Variants in PLAA observed in about 807,000 individuals in gnomAD.
The protein encoded by PLAA is phospholipase A-2-activating protein.
In PLAA, 48 loss-of-function variants were observed where a neutral mutation model predicts 84.1. That is an observed-to-expected ratio of 0.57 (90% CI 0.45 to 0.73). The LOEUF (loss-of-function observed/expected upper bound fraction) is 0.73, where lower values mean the gene tolerates loss of function less well. Among genes scored for constraint, PLAA ranks in the 30% least tolerant of loss-of-function variants. The pLI, the probability that PLAA is intolerant of heterozygous loss-of-function variation, is 0.00. For missense variants in PLAA, 903 were observed against 954.7 expected (o/e 0.95, Z 0.71); for synonymous variants, 392 against 336.6 (o/e 1.16, Z -1.80).
chr9:26,906,107 T>C (rs756154466), intron 13 of PLAA, 31 bp from the exon 14 acceptor site: 1 of 1,339,004 alleles, frequency 7.5e-7, no homozygotes, highest in African/African-American at 1.5e-5. Flanking sequence ...TTAATGCTTA[T>C]GAAAATAAAG....
chr9:26,908,099 G>A (rs1037765280), intron 12 of PLAA, 101 bp from the exon 13 acceptor site: 3 of 775,138 alleles, frequency 3.9e-6, no homozygotes, highest in Admixed American at 2.7e-5. Context: ...TGTACACCAT[G>A]GGGAGTTAAG....
rs544243079 is a variant in PLAA, at chr9:26,913,855, G to A, written c.1555+24C>T. 112 of 1,507,302 alleles carry A rather than the reference G, an allele frequency of 7.4e-5. No individual in the cohort carries two copies. The South Asian group carries it at 1.4e-3, about 18-fold the overall frequency. 93.4% of individuals were successfully genotyped at this position (1,507,302 alleles called of 1,614,324 possible). A position where few individuals can be genotyped will look rare whatever the true frequency, so the allele number is the denominator to read the frequency against. ...ACGAATTTTTAAAATCTAAAAAAAA[G>A]AAAAAGAAATAAAAAGTATGTACCT... is the stretch of plus-strand genomic sequence containing the variant. On this transcript the variant is annotated intron_variant, in intron 11 of 13. Transcript: ENST00000397292.
At chr9:26,932,528 T>A (rs897367752) in intron 2 of PLAA, among the ~76,000 whole-genome samples, 3 of 152,196 alleles carry the variant, frequency 2.0e-5, no homozygotes, top group African/African-American at 7.2e-5. Flanking sequence ...AACTGCAGAG[T>A]TGAGCAGTTA....
Position 26,925,883 on chromosome 9 carries a change from C to G in PLAA, c.811G>C (p.Ala271Pro), listed in dbSNP as rs912421253. 2 of 1,613,834 alleles carry G rather than the reference C, an allele frequency of 1.2e-6. No individual in the cohort carries two copies. The highest frequency in any genetic ancestry group is 1.7e-6 in the Non-Finnish European group (2 of 1,179,756). Residue 271 changes from alanine to proline, a missense_variant, in exon 6 of 14, where the codon GCT becomes CCT. Physicochemically the swap from Ala to Pro is conservative, Grantham distance 27 (BLOSUM62 -1). Coordinates refer to ENST00000397292, the MANE Select transcript of PLAA (RefSeq NM_001031689.3). ...GECAQTIRLP[A>P]QSIWCCCVLD... ...ACACAGCAGCACCATATAGACTGAG[C>G]TGGAAGTCGGATAGTTTGAGCACAT...
At chr9:26,946,815 G>A in intron 1 of PLAA, 82 bp downstream of exon 1, 4 of 1,428,730 alleles carry the variant, frequency 2.8e-6, no homozygotes, top group Non-Finnish European at 3.7e-6. Context: ...GAGACGGCAG[G>A]ACTGACAGGG....
At chr9:26,915,889 T>A (rs1357544753) in intron 10 of PLAA, 4 of 985,314 alleles carry the variant, frequency 4.1e-6, no homozygotes, top group Non-Finnish European at 4.8e-6. Flanking sequence ...TCACTTGGTA[T>A]TAAGTTTCAG....
At chr9:26,907,795 CT>C (rs760868538) in intron 13 of PLAA, 38 bp downstream of exon 13, 4 of 1,540,150 alleles carry the variant, frequency 2.6e-6, no homozygotes, top group Non-Finnish European at 2.6e-6. Context: ...GATAAAACTT[CT>C]TGCTTTCTGG....
chr9:26,927,127 C>CTTTTTTTTTTTTTTTTTTTTTTTTTTT, intron 4 of PLAA, among the ~76,000 whole-genome samples: 1 of 136,784 alleles, frequency 7.3e-6, no homozygotes, highest in Non-Finnish European at 1.5e-5. Context: ...TTTTGTTTTT[C>CTTTTTTTTTTTTTTTTTTTTTTTTTTT]TTTTTTTTTT....
At position 26,928,147 on chromosome 9, in the gene PLAA, T is replaced by C. The variant is rs1186767311; in HGVS notation, c.518A>G (p.Lys173Arg). ...QGLMLTGSAD[K>R]TVKLWKAGRC... Reference sequence around the variant, plus strand: ...TCCAGCCTTCCACAGTTTAACAGTCTTGTCTGCTGATCCAGTCAACATTAA... The same window carrying C: ...TCCAGCCTTCCACAGTTTAACAGTCCTGTCTGCTGATCCAGTCAACATTAA... Residue 173 changes from lysine to arginine, a missense_variant, in exon 4 of 14, where the codon AAG (lysine) becomes AGG (arginine). Physicochemically the swap from Lys to Arg is conservative, Grantham distance 26. Transcript: ENST00000397292. The C allele has an allele frequency of 6.2e-7, 1 of 1,614,224 alleles. No homozygotes were observed. Among genetic ancestry groups the C allele is most frequent in the Non-Finnish European group, 8.5e-7 (1 of 1,180,042 alleles).
At chr9:26,933,437 C>T (rs1363520751) in intron 2 of PLAA, among the ~76,000 whole-genome samples, 3 of 151,440 alleles carry the variant, frequency 2.0e-5, no homozygotes, top group African/African-American at 4.9e-5. Flanking sequence ...GGTGACAGAC[C>T]GAGACTCCGT....
chr9:26,913,764 A>T, intron 11 of PLAA, 115 bp downstream of exon 11: 1 of 667,524 alleles, frequency 1.5e-6, no homozygotes, highest in Non-Finnish European at 2.5e-6. Flanking sequence ...GTCTCGATTT[A>T]CTATATAAAA....
rs1255153829 is a variant in PLAA at position 26,926,563 on chromosome 9, G to T, written c.566-3C>A. 6.2e-7 allele frequency: 1 copy of T among 1,604,146 alleles called. No individual in the cohort carries two copies. The highest frequency in any genetic ancestry group is 2.2e-5 in the East Asian group (1 of 44,706). On this transcript the variant is annotated splice_polypyrimidine_tract_variant and splice_region_variant and intron_variant, in intron 4 of 13. Transcript: ENST00000397292. ...ACCTCTTACACAGTCTTCATGCCCT[G>T]CATTAAAAAACAATAATGCAAATCA...
At position 26,926,466 on chromosome 9, in the gene PLAA, A is replaced by C; in HGVS notation, c.660T>G (p.Thr220=). The C allele has an allele frequency of 1.2e-6, 2 of 1,612,770 alleles. No homozygotes were observed. The highest frequency in any genetic ancestry group is 1.7e-4 in the Middle Eastern group (1 of 6,054). The change falls in exon 5 of 14, where the codon ACT becomes ACG. Residue 220 remains threonine (T), a synonymous_variant. Transcript: ENST00000397292. The part of the protein sequence containing the change: ...NDASIRRWQI[T]GECLEVYYGH... Reference sequence around the variant, plus strand: ...CATAATATACTTCAAGACACTCGCCAGTGATTTGCCACCTTCTAATACTAG... The same window carrying C: ...CATAATATACTTCAAGACACTCGCCCGTGATTTGCCACCTTCTAATACTAG...
At chr9:26,933,296 A>G (rs540122054) in intron 2 of PLAA, among the ~76,000 whole-genome samples, 11 of 149,718 alleles carry the variant, frequency 7.3e-5, no homozygotes, top group African/African-American at 2.4e-4. Flanking sequence ...AAAGCTGCGC[A>G]TGGTGGTGGG....
chr9:26,919,593 T>C, intron 8 of PLAA, 64 bp from the exon 9 acceptor site: 3 of 876,978 alleles, frequency 3.4e-6, no homozygotes, highest in Non-Finnish European at 5.6e-6. Flanking sequence ...TAATGACATA[T>C]ACAACATAAC....
chr9:26,909,813 G>A (rs559744683), intron 12 of PLAA, among the ~76,000 whole-genome samples: 2 of 152,034 alleles, frequency 1.3e-5, no homozygotes, highest in South Asian at 2.1e-4. Context: ...TAGTAGAAAC[G>A]GGGTTTCACC....
Position 26,942,481 on chromosome 9 carries a change from A to G in PLAA, c.149+4416T>C, listed in dbSNP as rs545314122. Among the ~76,000 whole-genome samples, 48 of 152,376 alleles carry G rather than the reference A, an allele frequency of 3.2e-4. No individual in the cohort carries two copies. In the Middle Eastern group the frequency reaches 0.014, roughly 43 times the overall value. Reference sequence around the variant, plus strand: ...ATTGACTCAGTGATAAATACATAGTAAGCTAAGCAAATGAAAACCAAAATA... The same window carrying G: ...ATTGACTCAGTGATAAATACATAGTGAGCTAAGCAAATGAAAACCAAAATA... On this transcript the variant is annotated intron_variant, in intron 1 of 13. Coordinates refer to ENST00000397292, the MANE Select transcript of PLAA (RefSeq NM_001031689.3).
intron 9 of PLAA, 94 bp downstream of exon 9, chr9:26,919,216 T>C (rs1468918335): frequency 5.8e-6 from 4 of 686,784 alleles, no homozygotes; most frequent in African/African-American, 5.3e-5. Context: ...TTGGTATTTA[T>C]TGAAAAAGCT....
chr9:26,915,749 A>C (rs1211222192), intron 10 of PLAA: 1 of 984,992 alleles, frequency 1.0e-6, no homozygotes, highest in African/African-American at 1.7e-5. Context: ...TGAGTTACTG[A>C]CATTATGGAA....
Sources: allele counts gnomAD v4.1 joint callset (sites outside exome capture counted in the v4.1 genomes callset), GRCh38; gene constraint gnomAD v4.1.1; transcripts MANE v1.5; gene names NCBI Gene and HGNC (gene_info 2026-07-23, HGNC 2026-07-21).